Variants in LRP1B observed in about 807,000 individuals in gnomAD.
LRP1B encodes LDL receptor related protein 1B.
In LRP1B, 217 loss-of-function variants were observed where a neutral mutation model predicts 556.6. The ratio of observed to expected loss-of-function variants is 0.39; its 90% CI spans 0.35 to 0.44. LRP1B has a LOEUF of 0.44. Among genes scored for constraint, LRP1B ranks in the 20% least tolerant of loss-of-function variants. The pLI, the probability that LRP1B is intolerant of heterozygous loss-of-function variation, is 1.00. For synonymous variants in LRP1B, 2,047 were observed against 1,865.8 expected, an observed-to-expected ratio of 1.10 and a Z score of -2.50; for missense variants, 5,053 against 5,620.8, an observed-to-expected ratio of 0.90 and a Z score of 3.23.
intron 35 of LRP1B, among the ~76,000 whole-genome samples, chr2:140,727,776 A>G (rs553631488): frequency 1.3e-5 from 2 of 152,298 alleles, no homozygotes; most frequent in South Asian, 2.1e-4. Flanking sequence ...ATTCTTTTCA[A>G]TTTTTGAAAG....
intron 2 of LRP1B, among the ~76,000 whole-genome samples, chr2:141,634,637 A>G (rs1689037385): frequency 6.6e-6 from 1 of 152,026 alleles, no homozygotes; most frequent in Admixed American, 6.6e-5. Context: ...AAATATTGTA[A>G]AGCATATATC....
chr2:141,408,986 C>T (rs192307458), intron 3 of LRP1B, among the ~76,000 whole-genome samples: 3 of 152,116 alleles, frequency 2.0e-5, no homozygotes, highest in Non-Finnish European at 4.4e-5. Flanking sequence ...TTACATTTCT[C>T]TACATTGGCT....
At chr2:140,678,617 T>C (rs1220865505) in intron 41 of LRP1B, among the ~76,000 whole-genome samples, 2 of 152,218 alleles carry the variant, frequency 1.3e-5, no homozygotes, top group African/African-American at 4.8e-5. Context: ...TTTCAGCCTT[T>C]GAATATTGCA....
intron 25 of LRP1B, among the ~76,000 whole-genome samples, chr2:140,869,959 C>A (rs891680709): frequency 1.3e-5 from 2 of 152,074 alleles, no homozygotes; most frequent in African/African-American, 4.8e-5. Context: ...ATGGAAGCTG[C>A]CTTTCAAGAA....
chr2:140,352,243 C>T (rs1573832379), intron 76 of LRP1B, among the ~76,000 whole-genome samples: 1 of 151,892 alleles, frequency 6.6e-6, no homozygotes, highest in Admixed American at 6.6e-5. Flanking sequence ...TGGCGCAATC[C>T]TGGCTCACTG....
chr2:141,179,892 C>CT (rs11433781), intron 7 of LRP1B, among the ~76,000 whole-genome samples: 55,035 of 125,868 alleles, frequency 0.44, 12,352 homozygotes, highest in East Asian at 0.71. Flanking sequence ...TTGGTTTTTC[C>CT]TTTTTTTTTT....
intron 79 of LRP1B, among the ~76,000 whole-genome samples, chr2:140,334,031 AC>A: frequency 6.6e-6 from 1 of 151,962 alleles, no homozygotes; most frequent in East Asian, 1.9e-4. Context: ...AAAAAAAAAA[AC>A]ACCAAACCTG....
intron 41 of LRP1B, among the ~76,000 whole-genome samples, chr2:140,634,348 A>G (rs924311770): frequency 1.3e-5 from 2 of 152,158 alleles, no homozygotes; most frequent in Non-Finnish European, 2.9e-5. Flanking sequence ...TATATCCAAT[A>G]CATTGATATT....
At chr2:141,578,356 C>T (rs1306437323) in intron 2 of LRP1B, among the ~76,000 whole-genome samples, 1 of 147,126 alleles carries the variant, frequency 6.8e-6, no homozygotes, top group African/African-American at 2.5e-5. Context: ...AATATCGTGC[C>T]ATTGCACTCC....
intron 60 of LRP1B, among the ~76,000 whole-genome samples, chr2:140,458,224 T>TG (rs1687182415): frequency 6.6e-6 from 1 of 152,126 alleles, no homozygotes; most frequent in Non-Finnish European, 1.5e-5. Context: ...CAAGGTGAGA[T>TG]GGGATGGGGT....
chr2:141,981,887 G>A (rs763995857), intron 1 of LRP1B, among the ~76,000 whole-genome samples: 1 of 152,040 alleles, frequency 6.6e-6, no homozygotes, highest in African/African-American at 2.4e-5. Flanking sequence ...CCTTCTGTTT[G>A]CTGGGTATCT....
At chr2:140,302,438 A>G (rs1683874410) in intron 83 of LRP1B, among the ~76,000 whole-genome samples, 3 of 152,150 alleles carry the variant, frequency 2.0e-5, no homozygotes, top group Admixed American at 1.3e-4. Flanking sequence ...TTTTAGTGTT[A>G]GGTCTACTTC....
intron 66 of LRP1B, among the ~76,000 whole-genome samples, chr2:140,389,615 A>C (rs1683920440): frequency 6.7e-6 from 1 of 149,946 alleles, no homozygotes; most frequent in African/African-American, 2.4e-5. Flanking sequence ...TTGCTGAGAA[A>C]AATTGAATAA....
chr2:140,636,840 C>G (rs1046283160), intron 41 of LRP1B, among the ~76,000 whole-genome samples: 18 of 152,122 alleles, frequency 1.2e-4, no homozygotes, highest in African/African-American at 4.1e-4. Flanking sequence ...ACGGCTTACT[C>G]CTTTCCAATA....
chr2:140,897,932 C>T (rs1693998326), intron 23 of LRP1B, among the ~76,000 whole-genome samples: 1 of 152,150 alleles, frequency 6.6e-6, no homozygotes, highest in South Asian at 2.1e-4. Flanking sequence ...TGAGTCTGTT[C>T]TCCTAATAAA....
chr2:140,490,808 A>G (rs934276357), intron 57 of LRP1B, among the ~76,000 whole-genome samples: 2 of 152,090 alleles, frequency 1.3e-5, no homozygotes, highest in Non-Finnish European at 2.9e-5. Flanking sequence ...TCCTTACTCA[A>G]TGGGCACCAT....
intron 43 of LRP1B, among the ~76,000 whole-genome samples, chr2:140,546,915 G>T (rs1680362526): frequency 6.6e-6 from 1 of 151,746 alleles, no homozygotes; most frequent in Non-Finnish European, 1.5e-5. Context: ...ATAATCATGT[G>T]TTTTTTTTGT....
chr2:141,483,930 G>C (rs1179727250), intron 2 of LRP1B, among the ~76,000 whole-genome samples: 2 of 150,938 alleles, frequency 1.3e-5, no homozygotes, highest in Admixed American at 1.3e-4. Flanking sequence ...TCACTCTGAT[G>C]GTAGTTTCTT....
intron 7 of LRP1B, among the ~76,000 whole-genome samples, chr2:141,087,168 A>G (rs968174053): frequency 2.3e-5 from 3 of 131,920 alleles, no homozygotes; most frequent in Non-Finnish European, 5.0e-5. Context: ...ACTGAAGTCT[A>G]TTCATTCAGA....
Sources: gnomAD v4.1 joint callset for allele counts (sites outside exome capture counted in the v4.1 genomes callset) on GRCh38, gnomAD v4.1.1 for gene constraint, MANE v1.5 for transcripts, NCBI Gene and HGNC (gene_info 2026-07-23, HGNC 2026-07-21) for gene names.